Variants in GNPTAB observed in about 807,000 individuals in gnomAD.
GNPTAB encodes N-acetylglucosamine-1-phosphate transferase subunits alpha and beta.
Under a neutral mutation model 136.6 loss-of-function variants are expected in GNPTAB, and 92 were observed. The observed-to-expected ratio is 0.67, with a 90% CI of 0.57 to 0.80. The LOEUF is 0.80. GNPTAB is among the 30% of genes least tolerant of loss of function. The pLI is 0.00. For missense variants in GNPTAB, 1,343 were observed against 1,501.8 expected, an observed-to-expected ratio of 0.89 and a Z score of 1.75; for synonymous variants, 512 against 535.1, an observed-to-expected ratio of 0.96 and a Z score of 0.60.
chr12:101,797,550 G>A (rs1371820834), intron 1 of GNPTAB, among the ~76,000 whole-genome samples: 1 of 152,166 alleles, frequency 6.6e-6, no homozygotes, highest in Non-Finnish European at 1.5e-5. Flanking sequence ...CTTGAACCTG[G>A]GAGGCATAGG....
In GNPTAB at chr12:101,798,279, T is replaced by C. The variant is rs79794784; in HGVS notation, c.118-1517A>G. Among the ~76,000 whole-genome samples the C allele has an allele frequency of 0.022, 3,385 of 152,248 alleles. 340 individuals carry two copies. In the East Asian group the frequency reaches 0.31, roughly 14 times the overall value. ...CCATCTCCTTTGCCAGCTCATTCCC[T>C]TCTATCTAATCTTTCTGTGTGTCCT... is the stretch of plus-strand genomic sequence containing the variant. On this transcript the variant is annotated intron_variant, in intron 1 of 20. Transcript: ENST00000299314.
intron 5 of GNPTAB, 37 bp downstream of exon 5, chr12:101,785,975 A>G: frequency 7.1e-7 from 1 of 1,414,736 alleles, no homozygotes; most frequent in South Asian, 1.2e-5. Context: ...ACATCCAATG[A>G]TAACATGATT....
Position 101,765,361 on chromosome 12 carries a change from T to G in GNPTAB, c.1613-57A>C, listed in dbSNP as rs1016424862. The G allele has an allele frequency of 4.4e-6, 5 of 1,140,966 alleles. No individual in the cohort carries two copies. In the African/African-American group the frequency reaches 7.7e-5, roughly 18 times the overall value. The allele number at this position is 1,140,966 out of a possible 1,614,324, so 70.7% of individuals were successfully genotyped here. On this transcript the variant is annotated intron_variant, in intron 12 of 20. Coordinates refer to ENST00000299314, the MANE Select transcript of GNPTAB (RefSeq NM_024312.5). ...TTTAACTGGGCATTTTTCCTCTGTT[T>G]TCCTTTAATTCTTTGAGTCTGAGTT... is the stretch of plus-strand genomic sequence containing the variant.
At chr12:101,828,475 T>C (rs935312192) in intron 1 of GNPTAB, among the ~76,000 whole-genome samples, 1 of 152,058 alleles carries the variant, frequency 6.6e-6, no homozygotes, top group Non-Finnish European at 1.5e-5. Flanking sequence ...CTGGCCAACA[T>C]AGTGAAACCC....
chr12:101,793,335 T>C (rs886429136), intron 2 of GNPTAB, among the ~76,000 whole-genome samples: 4 of 152,204 alleles, frequency 2.6e-5, no homozygotes, highest in African/African-American at 9.7e-5. Flanking sequence ...CAGTGATGTG[T>C]TTTTAAAAGA....
At chr12:101,768,287 C>T (rs1392425733) in intron 10 of GNPTAB, 127 bp from the exon 11 acceptor site, 31 of 990,540 alleles carry the variant, frequency 3.1e-5, no homozygotes, top group African/African-American at 4.9e-5. Flanking sequence ...AAGGGCTCAG[C>T]GTTCACACTC....
intron 1 of GNPTAB, among the ~76,000 whole-genome samples, chr12:101,808,182 T>C (rs80080050): frequency 0.013 from 1,942 of 152,280 alleles, 21 homozygotes; most frequent in Non-Finnish European, 0.014. Flanking sequence ...AAGATGTCAG[T>C]TCTTCCCAAC....
chr12:101,799,947 T>C (rs750585876), intron 1 of GNPTAB, among the ~76,000 whole-genome samples: 20 of 152,202 alleles, frequency 1.3e-4, no homozygotes, highest in Non-Finnish European at 2.1e-4. Context: ...GCCAACGTTG[T>C]AGAAGAGAAC....
chr12:101,807,887 A>C (rs1035846903), intron 1 of GNPTAB, among the ~76,000 whole-genome samples: 12 of 152,164 alleles, frequency 7.9e-5, no homozygotes, highest in African/African-American at 2.9e-4. Flanking sequence ...TCTCTCAAAA[A>C]ACAAACAAAT....
In GNPTAB at chr12:101,766,313, A is replaced by G. The variant is rs1362386255; in HGVS notation, c.1409-19T>C. Reference sequence around the variant, plus strand: ...CTGTTTCCTGTAGATCGGAGGAAGAAGAGGGATTCTTGCTGTAATTACAAT... The same window carrying G: ...CTGTTTCCTGTAGATCGGAGGAAGAGGAGGGATTCTTGCTGTAATTACAAT... On this transcript the variant is annotated intron_variant, in intron 11 of 20. Transcript: ENST00000299314. The G allele has an allele frequency of 6.2e-7, 1 of 1,601,026 alleles. No individual in the cohort carries two copies. Among genetic ancestry groups the G allele is most frequent in the South Asian group, 1.1e-5 (1 of 90,786 alleles).
At chr12:101,822,167 A>C (rs1472840363) in intron 1 of GNPTAB, among the ~76,000 whole-genome samples, 3 of 152,140 alleles carry the variant, frequency 2.0e-5, no homozygotes, top group African/African-American at 7.2e-5. Flanking sequence ...TAATCCCAGC[A>C]CTTTGGGAGG....
At chr12:101,813,453 G>A (rs571338683) in intron 1 of GNPTAB, among the ~76,000 whole-genome samples, 100 of 152,234 alleles carry the variant, frequency 6.6e-4, no homozygotes, top group Non-Finnish European at 1.2e-3. Context: ...AACATTGAAA[G>A]GAGTCCAGAT....
In GNPTAB at chr12:101,773,307, CCATGCTCTCCA is replaced by C. The variant is rs377136936; in HGVS notation, c.772-2161_772-2151del. Reference sequence around the variant, plus strand: ...TGAGTAGCACATGGTACTTCACCCCCCATGCTCTCCACCTGCTCCCTCAGAAAGCACATTTC... The same window carrying C: ...TGAGTAGCACATGGTACTTCACCCCCCCTGCTCCCTCAGAAAGCACATTTC... On this transcript the variant is annotated intron_variant, in intron 7 of 20. Coordinates refer to ENST00000299314, the MANE Select transcript of GNPTAB (RefSeq NM_024312.5). 2.3e-3 allele frequency: 564 copies of C among 245,380 alleles called. 6 individuals are homozygous for C. The highest frequency in any genetic ancestry group is 0.012 in the African/African-American group (520 of 43,588). The allele number at this position is 245,380 out of a possible 1,614,324, so 15.2% of individuals were successfully genotyped here.
intron 1 of GNPTAB, among the ~76,000 whole-genome samples, chr12:101,798,263 T>C (rs185977340): frequency 6.6e-6 from 1 of 152,314 alleles, no homozygotes; most frequent in African/African-American, 2.4e-5. Flanking sequence ...TCCATCTCCT[T>C]TGCCAGCTCA....
At position 101,765,108 on chromosome 12, in the gene GNPTAB, G is replaced by C; in HGVS notation, c.1809C>G (p.His603Gln). Residue 603 changes from histidine to glutamine, a missense_variant, in exon 13 of 21, where the codon CAC (histidine) becomes CAG (glutamine). Physicochemically the swap from His to Gln is conservative, Grantham distance 24 (BLOSUM62 0). Transcript: ENST00000299314. The stretch of plus-strand genomic sequence containing the variant: ...GTATTGTGGTGGCATTCATTCCACT[G>C]TGCATTATGAGGTGGATGGTTTTCC... Reference protein sequence around the residue: ...NKWKTIHLIMHSGMNATTIHF... With the variant: ...NKWKTIHLIMQSGMNATTIHF... 1 of 1,614,074 alleles carries C rather than the reference G, an allele frequency of 6.2e-7. No homozygotes were observed. The highest frequency in any genetic ancestry group is 1.1e-5 in the South Asian group (1 of 91,078).
At chr12:101,784,196 C>T (rs1361444612) in intron 5 of GNPTAB, among the ~76,000 whole-genome samples, 2 of 152,170 alleles carry the variant, frequency 1.3e-5, no homozygotes, top group African/African-American at 4.8e-5. Flanking sequence ...TACAGAAATA[C>T]AGAAAAGTAA....
intron 1 of GNPTAB, among the ~76,000 whole-genome samples, chr12:101,800,292 C>T (rs1260861579): frequency 2.0e-5 from 3 of 151,892 alleles, no homozygotes; most frequent in Non-Finnish European, 4.4e-5. Flanking sequence ...CAAGACCAGC[C>T]TGAGCAACAC....
chr12:101,793,526 T>C (rs1430616122), intron 2 of GNPTAB, among the ~76,000 whole-genome samples: 1 of 152,200 alleles, frequency 6.6e-6, no homozygotes, highest in East Asian at 1.9e-4. Flanking sequence ...GGAGACTGTG[T>C]GATCTGCACG....
Position 101,796,768 on chromosome 12 carries a change from A to G in GNPTAB, c.118-6T>C, listed in dbSNP as rs2137158865. The G allele has an allele frequency of 6.3e-6, 10 of 1,596,228 alleles. No homozygotes were observed. Among genetic ancestry groups the G allele is most frequent in the Non-Finnish European group, 8.6e-6 (10 of 1,166,324 alleles). On this transcript the variant is annotated splice_region_variant and splice_polypyrimidine_tract_variant and intron_variant, in intron 1 of 20. Coordinates refer to ENST00000299314, the MANE Select transcript of GNPTAB (RefSeq NM_024312.5). ...CGGCTCCATTCCAGAACCACCTAGA[A>G]CAAAGAAAAAGAAACGTTTTCTTCG...
Sources: allele counts gnomAD v4.1 joint callset (sites outside exome capture counted in the v4.1 genomes callset), GRCh38; gene constraint gnomAD v4.1.1; transcripts MANE v1.5; gene names NCBI Gene and HGNC (gene_info 2026-07-23, HGNC 2026-07-21).